Variants in RAE1 observed in about 807,000 individuals in gnomAD.
RAE1 encodes the protein ribonucleic acid export 1.
RAE1 carries 13 observed loss-of-function variants against 52.7 expected under a neutral mutation model. The observed-to-expected ratio is 0.25, with a 90% confidence interval of 0.16 to 0.39. The LOEUF is 0.39. Among genes scored for constraint, RAE1 ranks in the 10% least tolerant of loss-of-function variants. RAE1 has a pLI of 1.00. For synonymous variants in RAE1, 164 were observed against 153.1 expected (o/e 1.07, Z -0.52); for missense variants, 262 against 459.8 (o/e 0.57, Z 3.93).
intron 3 of RAE1, 43 bp downstream of exon 3, chr20:57,354,859 T>C: frequency 7.0e-7 from 1 of 1,433,358 alleles, no homozygotes. Context: ...CATCTCTCTT[T>C]GTATGGCCAA....
At chr20:57,360,408 G>A (rs978052486) in intron 4 of RAE1, among the ~76,000 whole-genome samples, 3 of 152,188 alleles carry the variant, frequency 2.0e-5, no homozygotes, top group Non-Finnish European at 4.4e-5. Flanking sequence ...TGGGCATATA[G>A]GCCAGGGGCA....
intron 4 of RAE1, 79 bp downstream of exon 4, chr20:57,356,617 A>G: frequency 2.5e-6 from 3 of 1,213,184 alleles, no homozygotes; most frequent in South Asian, 2.7e-5. Context: ...TCCAAACACA[A>G]ATAGCATATA....
At chr20:57,352,361 C>T (rs1475216726) in intron 1 of RAE1, among the ~76,000 whole-genome samples, 1 of 152,130 alleles carries the variant, frequency 6.6e-6, no homozygotes, top group Non-Finnish European at 1.5e-5. Context: ...TCATCCCAAG[C>T]TGAAGGAACA....
rs373700220 is a variant in RAE1 at position 57,368,700 on chromosome 20, C to A, written c.535-5C>A. On this transcript the variant is annotated splice_region_variant and splice_polypyrimidine_tract_variant and intron_variant, in intron 7 of 11. Transcript: ENST00000395841. ...AGCGCATCTCTGTTTTCTTCCATTC[C>A]CTAGATATACCCCATGGCTGTGGTG... is the stretch of plus-strand genomic sequence containing the variant. 5 of 1,602,536 alleles carry A rather than the reference C, an allele frequency of 3.1e-6. No homozygotes were observed. In the African/African-American group the frequency reaches 6.7e-5, roughly 21 times the overall value.
rs779378832 is a variant in RAE1, at chr20:57,373,737, C to A, written c.824C>A (p.Ala275Glu). The A allele has an allele frequency of 1.2e-6, 2 of 1,612,466 alleles. No individual in the cohort carries two copies. The highest frequency in any genetic ancestry group is 1.7e-6 in the Non-Finnish European group (2 of 1,178,610). ...TNTSAPQDIY[A>E]VNGIAFHPVH... The stretch of plus-strand genomic sequence containing the variant: ...ACTTCAGCTCCTCAGGACATTTATG[C>A]GGTACGTTTTTAGACACTTTAACCG... Residue 275 changes from alanine (A) to glutamate (E), a missense_variant and splice_region_variant, in exon 10 of 12, where the codon GCG (alanine) becomes GAG (glutamate). By Grantham distance (107) the Ala-to-Glu change is moderately radical (BLOSUM62 -1). Transcript: ENST00000395841.
At position 57,377,908 on chromosome 20, in the gene RAE1, A is replaced by G. The variant is rs1489567920; in HGVS notation, c.1021-105A>G. On this transcript the variant is annotated intron_variant, in intron 11 of 11. Transcript: ENST00000395841. The stretch of plus-strand genomic sequence containing the variant: ...TGTTGTTTTATTTCTCTGAGAGATT[A>G]TATGTTTCCAGTATTGTAGCACAGG... 6.8e-6 allele frequency: 5 copies of G among 736,120 alleles called. No individual in the cohort carries two copies. In the African/African-American group the frequency reaches 7.1e-5, roughly 10 times the overall value. The allele number at this position is 736,120 out of a possible 1,614,324, so 45.6% of individuals were successfully genotyped here.
intron 8 of RAE1, chr20:57,373,141 G>A (rs2067060905): frequency 6.2e-6 from 2 of 322,812 alleles, no homozygotes; most frequent in East Asian, 7.9e-5. Context: ...TGTCTGCCTA[G>A]CCAGGGACGT....
At chr20:57,376,974 T>C (rs915579367) in intron 11 of RAE1, among the ~76,000 whole-genome samples, 6 of 152,248 alleles carry the variant, frequency 3.9e-5, no homozygotes, top group African/African-American at 1.2e-4. Flanking sequence ...ATTAGCATCT[T>C]TTTAGTTTAA....
At chr20:57,376,866 C>T (rs531991544) in intron 11 of RAE1, among the ~76,000 whole-genome samples, 66 of 152,304 alleles carry the variant, frequency 4.3e-4, no homozygotes, top group Admixed American at 1.0e-3. Context: ...AAATTGAAAG[C>T]AGTGAGAAAG....
chr20:57,353,532 G>A (rs1312844769), intron 1 of RAE1, among the ~76,000 whole-genome samples: 14 of 152,262 alleles, frequency 9.2e-5, no homozygotes, highest in Non-Finnish European at 1.8e-4. Flanking sequence ...CGGACTGGTT[G>A]TTCTAGGTAG....
At chr20:57,352,008 T>C in intron 1 of RAE1, 1 of 979,952 alleles carries the variant, frequency 1.0e-6, no homozygotes, top group Non-Finnish European at 1.2e-6. Flanking sequence ...GGCAAGTGGC[T>C]GCCCTCTTGG....
chr20:57,374,550 G>T (rs1442676717), intron 10 of RAE1, 57 bp from the exon 11 acceptor site: 5 of 1,497,564 alleles, frequency 3.3e-6, no homozygotes, highest in East Asian at 4.5e-5. Context: ...GTGCGTGGGT[G>T]GAACCTTCTC....
In RAE1 at chr20:57,378,378, A is replaced by G. The variant is rs60602657; in HGVS notation, c.*279A>G. The G allele has an allele frequency of 4.8e-5, 19 of 394,878 alleles. No individual in the cohort carries two copies. Among genetic ancestry groups the G allele is most frequent in the African/African-American group, 3.4e-4 (17 of 50,022 alleles). 24.5% of individuals were successfully genotyped at this position (394,878 alleles called of 1,614,324 possible). ...ACCGCCAGGGATTTTGCAGCGCTTC[A>G]GTGTACGTGTTAGAGAATATTGGAA... On this transcript the variant is annotated 3_prime_UTR_variant, in exon 12 of 12. Coordinates refer to ENST00000395841, the MANE Select transcript of RAE1 (RefSeq NM_003610.4).
In RAE1 at chr20:57,356,517, G is replaced by A. The variant is rs367609184; in HGVS notation, c.267G>A (p.Val89=). 2 of 1,612,698 alleles carry A rather than the reference G, an allele frequency of 1.2e-6. No individual in the cohort carries two copies. Among genetic ancestry groups the A allele is most frequent in the Admixed American group, 1.7e-5 (1 of 59,958 alleles). ...PKAQQMHTGP[V]LDVCWSDDGS... is the part of the protein sequence containing the mutation. ...CCCAGCAGATGCACACTGGGCCTGTGCTTGATGTCTGCTGGAGTGACGTAC... is the reference window on the plus strand; with the variant it reads ...CCCAGCAGATGCACACTGGGCCTGTACTTGATGTCTGCTGGAGTGACGTAC... Residue 89 remains valine, a synonymous_variant, in exon 4 of 12, where the codon GTG becomes GTA. Coordinates refer to ENST00000395841, the MANE Select transcript of RAE1 (RefSeq NM_003610.4).
At position 57,377,591 on chromosome 20, in the gene RAE1, C is replaced by T. The variant is rs1342021188; in HGVS notation, c.1021-422C>T. On this transcript the variant is annotated intron_variant, in intron 11 of 11. Coordinates refer to ENST00000395841, the MANE Select transcript of RAE1 (RefSeq NM_003610.4). ...CTGCTGTGCTCCGTGTCTGTTGCTCCTTCCATGTGGGGCGGGGTGTCCTCC... is the reference window on the plus strand; with the variant it reads ...CTGCTGTGCTCCGTGTCTGTTGCTCTTTCCATGTGGGGCGGGGTGTCCTCC... Among the ~76,000 whole-genome samples the T allele has an allele frequency of 4.6e-5, 7 of 152,360 alleles. No individual in the cohort carries two copies. In the South Asian group the frequency reaches 1.4e-3, roughly 32 times the overall value.
chr20:57,353,305 A>G (rs908241139), intron 1 of RAE1, among the ~76,000 whole-genome samples: 4 of 152,188 alleles, frequency 2.6e-5, no homozygotes, highest in Admixed American at 2.0e-4. Flanking sequence ...GAATGTGTTA[A>G]TGTTCTCTAT....
chr20:57,356,164 G>T (rs2066783074), intron 3 of RAE1, among the ~76,000 whole-genome samples: 1 of 152,140 alleles, frequency 6.6e-6, no homozygotes, highest in Non-Finnish European at 1.5e-5. Flanking sequence ...AATGGTAATG[G>T]GTAAGTGATA....
chr20:57,373,229 G>T (rs936029935), intron 8 of RAE1: 10 of 517,482 alleles, frequency 1.9e-5, no homozygotes, highest in African/African-American at 1.7e-4. Context: ...GCCTTGCAGG[G>T]TGGCAGAGGG....
At chr20:57,357,951 A>G (rs2066817398) in intron 4 of RAE1, 1 of 149,890 alleles carries the variant, frequency 6.7e-6, no homozygotes, top group East Asian at 1.9e-4. Flanking sequence ...GTGACTTCAT[A>G]TGAAATCGTG....
Sources: allele counts gnomAD v4.1 joint callset (sites outside exome capture counted in the v4.1 genomes callset), GRCh38; gene constraint gnomAD v4.1.1; transcripts MANE v1.5; gene names NCBI Gene and HGNC (gene_info 2026-07-23, HGNC 2026-07-21).